KCNK3: variants seen among roughly 807,000 people sequenced by gnomAD.
The protein encoded by KCNK3 is potassium two pore domain channel subfamily K member 3, also known as potassium channel subfamily K member 3.
In KCNK3, 9 loss-of-function variants were observed where a neutral mutation model predicts 27.3. The ratio of observed to expected loss-of-function variants is 0.33; its 90% CI spans 0.20 to 0.57. The LOEUF is 0.57. Ranked by LOEUF, KCNK3 falls within the 20% of genes least tolerant of loss-of-function variation. KCNK3 has a pLI of 0.87. For missense variants in KCNK3, 391 were observed against 577.7 expected (o/e 0.68, Z 3.31); for synonymous variants, 278 against 273.8 (o/e 1.02, Z -0.15).
In KCNK3 at chr2:26,693,237, T is replaced by TG; in HGVS notation, c.283+84dup. ...GGAGTCGTCCGGGGCCGGCTGGGGC[T>TG]GGGGGCGGGGGCTCCCCCGAGAGGG... On this transcript the variant is annotated intron_variant, in intron 1 of 1. Transcript: ENST00000302909. This position sits in a 1 kb window ranked among gnomAD's most constrained non-coding sequence, Gnocchi z 5.5. 1 of 177,960 alleles carries TG rather than the reference T, an allele frequency of 5.6e-6. No individual in the cohort carries two copies. Among genetic ancestry groups the TG allele is most frequent in the Non-Finnish European group, 9.9e-6 (1 of 101,398 alleles). The allele number at this position is 177,960 out of a possible 1,614,324, so 11.0% of individuals were successfully genotyped here. A position where few individuals can be genotyped will look rare whatever the true frequency, so the allele number is the denominator to read the frequency against.
At position 26,727,661 on chromosome 2, in the gene KCNK3, C is replaced by G; in HGVS notation, c.284-6C>G. The G allele has an allele frequency of 1.3e-6, 2 of 1,510,924 alleles. No individual in the cohort carries two copies. Among genetic ancestry groups the G allele is most frequent in the Middle Eastern group, 1.9e-4 (1 of 5,306 alleles). 93.6% of individuals were successfully genotyped at this position (1,510,924 alleles called of 1,614,324 possible). A position where few individuals can be genotyped will look rare whatever the true frequency, so the allele number is the denominator to read the frequency against. Reference sequence around the variant, plus strand: ...GCTTTTTCTCCTCTTTCCCACTTTCCCCCAGGCTACGGGCACGCGGCACCC... The same window carrying G: ...GCTTTTTCTCCTCTTTCCCACTTTCGCCCAGGCTACGGGCACGCGGCACCC... On this transcript the variant is annotated splice_polypyrimidine_tract_variant and splice_region_variant and intron_variant, in intron 1 of 1. Coordinates refer to ENST00000302909, the MANE Select transcript of KCNK3 (RefSeq NM_002246.3).
chr2:26,719,464 C>T (rs1380682625), intron 1 of KCNK3, among the ~76,000 whole-genome samples: 2 of 152,188 alleles, frequency 1.3e-5, no homozygotes, highest in African/African-American at 4.8e-5. Context: ...CAAATGTCAC[C>T]TCCTCCATGA....
rs151228365 is a variant in KCNK3 at position 26,727,806 on chromosome 2, C to A, written c.423C>A (p.His141Gln). The A allele has an allele frequency of 7.7e-4, 1,241 of 1,611,298 alleles. 2 individuals are homozygous for A. The highest frequency in any genetic ancestry group is 6.6e-3 in the Middle Eastern group (40 of 6,052). ...RINTLVRYLL[H>Q]RAKKGLGMRR... ...ACACCTTGGTGAGGTACCTGCTGCACCGCGCCAAGAAGGGGCTGGGCATGC... is the reference window on the plus strand; with the variant it reads ...ACACCTTGGTGAGGTACCTGCTGCAACGCGCCAAGAAGGGGCTGGGCATGC... The change falls in exon 2 of 2, where the codon CAC (histidine) becomes CAA (glutamine). Residue 141 changes from histidine (H) to glutamine (Q), a missense_variant. By Grantham distance (24) the His-to-Gln change is conservative. Transcript: ENST00000302909.
rs34893378 is a variant in KCNK3 at position 26,729,913 on chromosome 2, G to A, written c.*1345G>A. The A allele has an allele frequency of 6.6e-6, 1 of 151,878 alleles. No individual in the cohort carries two copies. Among genetic ancestry groups the A allele is most frequent in the Non-Finnish European group, 1.5e-5 (1 of 68,068 alleles). The allele number at this position is 151,878 out of a possible 1,614,324, so 9.4% of individuals were successfully genotyped here. ...CTAGCCAAAGTGTTCTTTCCTTCCAGCTTGGCCTGCTCTTAAAAGCAAAGC... is the reference window on the plus strand; with the variant it reads ...CTAGCCAAAGTGTTCTTTCCTTCCAACTTGGCCTGCTCTTAAAAGCAAAGC... On this transcript the variant is annotated 3_prime_UTR_variant, in exon 2 of 2. Transcript: ENST00000302909.
At position 26,692,839 on chromosome 2, in the gene KCNK3, G is replaced by A. The variant is rs940202140; in HGVS notation, c.-37G>A. On this transcript the variant is annotated 5_prime_UTR_variant, in exon 1 of 2. Transcript: ENST00000302909. The surrounding 1 kb of genome is among the most constrained non-coding windows in gnomAD (Gnocchi z 5.6). ...GCGGCCGGGGCCGAGGCGCGGGCCG[G>A]GGGCGCCGGGGGGCCGGCGGCGGCC... The A allele has an allele frequency of 5.2e-6, 6 of 1,157,710 alleles. No homozygotes were observed. Among genetic ancestry groups the A allele is most frequent in the South Asian group, 4.1e-5 (1 of 24,388 alleles). The allele number at this position is 1,157,710 out of a possible 1,614,324, so 71.7% of individuals were successfully genotyped here. A position where few individuals can be genotyped will look rare whatever the true frequency, so the allele number is the denominator to read the frequency against.
intron 1 of KCNK3, among the ~76,000 whole-genome samples, chr2:26,699,251 A>AGCC (rs1558594849): frequency 2.9e-4 from 39 of 134,352 alleles, no homozygotes; most frequent in African/African-American, 1.2e-3. Flanking sequence ...GAAAGAAAGA[A>AGCC]AGCCAGCCAA....
chr2:26,706,839 C>A (rs992321753), intron 1 of KCNK3, among the ~76,000 whole-genome samples: 6 of 152,150 alleles, frequency 3.9e-5, no homozygotes, highest in Non-Finnish European at 7.4e-5. Context: ...CAGCCTCCTC[C>A]ACTGCTCCTC....
chr2:26,703,205 G>A (rs1042942328), intron 1 of KCNK3, among the ~76,000 whole-genome samples: 11 of 152,192 alleles, frequency 7.2e-5, no homozygotes, highest in African/African-American at 2.7e-4. Flanking sequence ...GGGAGCTTCA[G>A]CAGTACTCTT....
intron 1 of KCNK3, among the ~76,000 whole-genome samples, chr2:26,705,923 C>T (rs1329598128): frequency 2.6e-5 from 4 of 152,040 alleles, no homozygotes; most frequent in African/African-American, 4.8e-5. Flanking sequence ...AGGGAGGTTA[C>T]CCCCGTAGCA....
rs772499560 is a variant in KCNK3, at chr2:26,728,612, C to A, written c.*44C>A. On this transcript the variant is annotated 3_prime_UTR_variant, in exon 2 of 2. Transcript: ENST00000302909. Reference sequence around the variant, plus strand: ...AGCACCTGGGGGCGCGGGCGGGGGACCCCTGCTGGGAGGCCAGGAGACTGC... The same window carrying A: ...AGCACCTGGGGGCGCGGGCGGGGGAACCCTGCTGGGAGGCCAGGAGACTGC... The A allele has an allele frequency of 2.5e-5, 35 of 1,403,366 alleles. No individual in the cohort carries two copies. The Admixed American group carries it at 7.5e-4, about 30-fold the overall frequency. 86.9% of individuals were successfully genotyped at this position (1,403,366 alleles called of 1,614,324 possible).
intron 1 of KCNK3, among the ~76,000 whole-genome samples, chr2:26,708,925 G>A (rs777779484): frequency 1.2e-4 from 18 of 152,160 alleles, no homozygotes; most frequent in Admixed American, 3.9e-4. Context: ...CCAGCGTGGT[G>A]GTGGTGGAGA....
chr2:26,707,889 C>A (rs2148260019), intron 1 of KCNK3, among the ~76,000 whole-genome samples: 1 of 152,230 alleles, frequency 6.6e-6, no homozygotes, highest in Admixed American at 6.5e-5. Flanking sequence ...ACAAAGCAGT[C>A]CTCGAACTCA....
In KCNK3 at chr2:26,721,906, G is replaced by C. The variant is rs1015334035; in HGVS notation, c.284-5761G>C. ...GACAGGCACAGCTGGCATTGCCAAG[G>C]GCTGTGGTTTCTAATCTACAGAAGG... On this transcript the variant is annotated intron_variant, in intron 1 of 1. Coordinates refer to ENST00000302909, the MANE Select transcript of KCNK3 (RefSeq NM_002246.3). The surrounding 1 kb of genome is among the most constrained non-coding windows in gnomAD (Gnocchi z 4.3). 6.6e-6 allele frequency among the ~76,000 whole-genome samples: 1 copy of C among 152,202 alleles called. No homozygotes were observed. The highest frequency in any genetic ancestry group is 2.4e-5 in the African/African-American group (1 of 41,446).
intron 1 of KCNK3, among the ~76,000 whole-genome samples, chr2:26,700,034 C>CA (rs1670288005): frequency 6.6e-6 from 1 of 152,196 alleles, no homozygotes; most frequent in Non-Finnish European, 1.5e-5. Context: ...GCAGGGTGCT[C>CA]AGTTGTGGGC....
At position 26,692,826 on chromosome 2, in the gene KCNK3, G is replaced by A. The variant is rs1361844478; in HGVS notation, c.-50G>A. 3.8e-6 allele frequency: 4 copies of A among 1,057,214 alleles called. No homozygotes were observed. Among genetic ancestry groups the A allele is most frequent in the African/African-American group, 1.7e-5 (1 of 58,620 alleles). The allele number at this position is 1,057,214 out of a possible 1,614,324, so 65.5% of individuals were successfully genotyped here. The stretch of plus-strand genomic sequence containing the variant: ...GGCAGCAGCAGCGGCGGCCGGGGCC[G>A]AGGCGCGGGCCGGGGGCGCCGGGGG... On this transcript the variant is annotated 5_prime_UTR_variant, in exon 1 of 2. Transcript: ENST00000302909. This position sits in a 1 kb window ranked among gnomAD's most constrained non-coding sequence, Gnocchi z 5.6.
At position 26,693,078 on chromosome 2, in the gene KCNK3, G is replaced by C; in HGVS notation, c.203G>C (p.Arg68Pro). ...GAGGAGCTGGAGCGCGTCGTGCTGC[G>C]CCTCAAGCCGCACAAGGCCGGCGTG... ...GYEELERVVL[R>P]LKPHKAGVQW... The change falls in exon 1 of 2, where the codon CGC becomes CCC. Residue 68 changes from arginine (R) to proline (P), a missense_variant. By Grantham distance (103) the Arg-to-Pro change is moderately radical (BLOSUM62 -2). Transcript: ENST00000302909. This position sits in a 1 kb window ranked among gnomAD's most constrained non-coding sequence, Gnocchi z 5.5. The C allele has an allele frequency of 2.5e-6, 4 of 1,603,518 alleles. No homozygotes were observed. Among genetic ancestry groups the C allele is most frequent in the African/African-American group, 1.3e-5 (1 of 74,302 alleles).
chr2:26,702,748 G>A (rs1670325213), intron 1 of KCNK3, among the ~76,000 whole-genome samples: 1 of 152,132 alleles, frequency 6.6e-6, no homozygotes, highest in Non-Finnish European at 1.5e-5. Flanking sequence ...TAAGAGATGT[G>A]TTGCAAGGAA....
chr2:26,701,800 C>T (rs897041613), intron 1 of KCNK3, among the ~76,000 whole-genome samples: 1 of 151,996 alleles, frequency 6.6e-6, no homozygotes, highest in African/African-American at 2.4e-5. Context: ...ATTAGTGAGG[C>T]GTGGTGGCGC....
intron 1 of KCNK3, among the ~76,000 whole-genome samples, chr2:26,720,281 A>G (rs908930732): frequency 1.3e-5 from 2 of 152,124 alleles, no homozygotes; most frequent in African/African-American, 4.8e-5. Flanking sequence ...ACAAAACAAA[A>G]AACGAGTGGG....
Sources: allele counts gnomAD v4.1 joint callset (sites outside exome capture counted in the v4.1 genomes callset), GRCh38; gene constraint gnomAD v4.1.1; non-coding constraint Gnocchi (gnomAD v3.1); transcripts MANE v1.5; gene names NCBI Gene and HGNC (gene_info 2026-07-23, HGNC 2026-07-21).